PPP6R2: variants seen among roughly 807,000 people sequenced by gnomAD.
The protein encoded by PPP6R2 is protein phosphatase 6 regulatory subunit 2.
A neutral mutation model predicts 100.2 loss-of-function variants in PPP6R2; 62 were observed. The observed-to-expected ratio is 0.62, with a 90% CI of 0.50 to 0.76. The LOEUF (loss-of-function observed/expected upper bound fraction) is 0.76, where lower values mean the gene tolerates loss of function less well. Ranked by LOEUF, PPP6R2 falls within the 30% of genes least tolerant of loss-of-function variation. The pLI is 0.00. For missense variants in PPP6R2, 1,142 were observed against 1,276.3 expected (o/e 0.89, Z 1.60); for synonymous variants, 525 against 514.7 (o/e 1.02, Z -0.27).
upstream of PPP6R2, among the ~76,000 whole-genome samples, chr22:50,339,770 GGTA>G (rs1463781522): frequency 2.1e-4 from 26 of 122,536 alleles, no homozygotes; most frequent in African/African-American, 8.5e-4. Flanking sequence ...TGGTGTGTGT[GGTA>G]TGTGGTGTGT....
chr22:50,427,830 C>T (rs2062439301), intron 10 of PPP6R2, among the ~76,000 whole-genome samples: 2 of 152,260 alleles, frequency 1.3e-5, no homozygotes, highest in Admixed American at 1.3e-4. Flanking sequence ...ACGCCATTCT[C>T]CTTCCTCAGC....
intron 1 of PPP6R2, among the ~76,000 whole-genome samples, chr22:50,369,875 C>T (rs934029918): frequency 3.3e-5 from 5 of 150,854 alleles, no homozygotes; most frequent in Non-Finnish European, 5.9e-5. Flanking sequence ...TCTGGGACCA[C>T]AGGTGTGTGC....
intron 8 of PPP6R2, among the ~76,000 whole-genome samples, chr22:50,420,905 C>T (rs976359851): frequency 2.0e-5 from 3 of 152,252 alleles, no homozygotes; most frequent in African/African-American, 7.2e-5. Context: ...CCATCACAGG[C>T]TGGGACGATG....
At chr22:50,435,169 A>T (rs1486019083) in intron 13 of PPP6R2, 88 bp downstream of exon 13, 1 of 1,137,948 alleles carries the variant, frequency 8.8e-7, no homozygotes, top group Non-Finnish European at 1.2e-6. Flanking sequence ...TCTGCCCGGC[A>T]GCAGGTGCTG....
chr22:50,412,837 G>T (rs552249759), intron 4 of PPP6R2, among the ~76,000 whole-genome samples: 8 of 150,414 alleles, frequency 5.3e-5, no homozygotes, highest in African/African-American at 2.0e-4. Context: ...TAGAGACGGG[G>T]TTTCACCATG....
At chr22:50,380,379 T>G (rs2052605495) in intron 2 of PPP6R2, among the ~76,000 whole-genome samples, 1 of 151,244 alleles carries the variant, frequency 6.6e-6, no homozygotes. Context: ...GTTTTTTTTT[T>G]TGAGATGGAG....
chr22:50,350,828 G>C (rs559600684), intron 1 of PPP6R2, among the ~76,000 whole-genome samples: 2 of 140,980 alleles, frequency 1.4e-5, no homozygotes, highest in Admixed American at 7.1e-5. Context: ...CTGGGCGACA[G>C]AGCAAGACTC....
At chr22:50,436,253 CAGT>C (rs2064235438) in intron 13 of PPP6R2, 111 bp from the exon 14 acceptor site, 1 of 892,446 alleles carries the variant, frequency 1.1e-6, no homozygotes, top group Non-Finnish European at 1.8e-6. Context: ...GGGCTGACCA[CAGT>C]AGCAGCGCCC....
At chr22:50,421,096 C>T (rs927618544) in intron 8 of PPP6R2, among the ~76,000 whole-genome samples, 1 of 152,190 alleles carries the variant, frequency 6.6e-6, no homozygotes, top group South Asian at 2.1e-4. Context: ...TTCTCTCTCT[C>T]TCTCTCTCTC....
chr22:50,337,450 T>C, the PPP6R2 span, among the ~76,000 whole-genome samples: 1,619 of 127,884 alleles, frequency 0.013, 14 homozygotes, highest in Non-Finnish European at 0.02. Flanking sequence ...ACGTGTGTGG[T>C]GTGTGTGGTA....
At chr22:50,382,361 G>T (rs2148689369) in intron 2 of PPP6R2, among the ~76,000 whole-genome samples, 1 of 152,182 alleles carries the variant, frequency 6.6e-6, no homozygotes, top group Middle Eastern at 3.4e-3. Flanking sequence ...CACTTTGGGA[G>T]GCTAAGGCGG....
intron 2 of PPP6R2, among the ~76,000 whole-genome samples, chr22:50,385,231 C>T (rs561178162): frequency 2.0e-5 from 3 of 152,162 alleles, no homozygotes; most frequent in Non-Finnish European, 2.9e-5. Flanking sequence ...AATCTCACGC[C>T]GTCACCCAGG....
At chr22:50,427,607 C>T (rs879791638) in intron 10 of PPP6R2, among the ~76,000 whole-genome samples, 31 of 152,218 alleles carry the variant, frequency 2.0e-4, no homozygotes, top group Non-Finnish European at 4.4e-4. Flanking sequence ...GGCTGGAGTG[C>T]AGTGGCGCAA....
At chr22:50,426,199 G>A (rs917729121) in intron 10 of PPP6R2, among the ~76,000 whole-genome samples, 20 of 152,062 alleles carry the variant, frequency 1.3e-4, no homozygotes, top group Admixed American at 7.2e-4. Context: ...GTGATGCTCC[G>A]GCCGTGGCCT....
chr22:50,440,954 C>G lies in PPP6R2; in HGVS notation c.2507C>G (p.Ala836Gly), dbSNP rs147624250. Residue 836 changes from alanine to glycine, a missense_variant, in exon 22 of 24, where the codon GCG becomes GGG. Around this residue, in one of 2 missense-constraint regions of PPP6R2, gnomAD observed 550 missense variants for 517.4 expected, o/e 1.06. Transcript: ENST00000612753. Reference sequence around the variant, plus strand: ...CAGAAGGCAGCGAGTGCCATGGATGCGGTGAGCAGGGGTCCCGGCCGGGAG... The same window carrying G: ...CAGAAGGCAGCGAGTGCCATGGATGGGGTGAGCAGGGGTCCCGGCCGGGAG... ...GDQKAASAMD[A>G]VSRGPGREAP... 9 of 1,613,218 alleles carry G rather than the reference C, an allele frequency of 5.6e-6. No homozygotes were observed. The highest frequency in any genetic ancestry group is 7.6e-6 in the Non-Finnish European group (9 of 1,179,764).
intron 1 of PPP6R2, among the ~76,000 whole-genome samples, chr22:50,350,155 C>T (rs2044714138): frequency 6.6e-6 from 1 of 152,094 alleles, no homozygotes; most frequent in Non-Finnish European, 1.5e-5. Context: ...TTTGCTCATT[C>T]ATTAAAAGCA....
chr22:50,331,064 C>T, the PPP6R2 span, among the ~76,000 whole-genome samples: 3,003 of 152,290 alleles, frequency 0.02, 54 homozygotes, highest in East Asian at 0.089. Flanking sequence ...CCGGAAACTA[C>T]TGCATGGACG....
At chr22:50,350,405 AT>A (rs1271036748) in intron 1 of PPP6R2, among the ~76,000 whole-genome samples, 1 of 151,190 alleles carries the variant, frequency 6.6e-6, no homozygotes, top group Non-Finnish European at 1.5e-5. Flanking sequence ...TAATTTTTGC[AT>A]TTTCTATAAA....
At chr22:50,433,326 C>A in intron 12 of PPP6R2, among the ~76,000 whole-genome samples, 1 of 66,028 alleles carries the variant, frequency 1.5e-5, no homozygotes, top group Admixed American at 2.0e-4. Flanking sequence ...GGGCACTTGC[C>A]CTGGAGGTGA....
Sources: allele counts gnomAD v4.1 joint callset (sites outside exome capture counted in the v4.1 genomes callset), GRCh38; gene constraint gnomAD v4.1.1; regional missense constraint gnomAD v4.1.1; transcripts MANE v1.5; gene names NCBI Gene and HGNC (gene_info 2026-07-23, HGNC 2026-07-21).